CHMP4B: variants seen among roughly 807,000 people sequenced by gnomAD.
CHMP4B encodes the protein SNF7 homolog associated with Alix 1.
A neutral mutation model predicts 25.1 loss-of-function variants in CHMP4B; 1 was observed. That is an observed-to-expected ratio of 0.04 (90% confidence interval 0.01 to 0.19). CHMP4B has a LOEUF of 0.19. Ranked by LOEUF, CHMP4B falls within the 10% of genes least tolerant of loss-of-function variation. The pLI, the probability that CHMP4B is intolerant of heterozygous loss-of-function variation, is 1.00. For missense variants in CHMP4B, 151 were observed against 289.7 expected, an observed-to-expected ratio of 0.52 and a Z score of 3.48; for synonymous variants, 101 against 115.6, an observed-to-expected ratio of 0.87 and a Z score of 0.81.
intron 1 of CHMP4B, among the ~76,000 whole-genome samples, chr20:33,830,421 T>G (rs1826964727): frequency 1.3e-5 from 2 of 152,178 alleles, no homozygotes; most frequent in African/African-American, 4.8e-5. Flanking sequence ...ATAGACTGGG[T>G]GGTTTAAGCA....
intron 1 of CHMP4B, among the ~76,000 whole-genome samples, chr20:33,816,719 G>A (rs1030565991): frequency 2.6e-5 from 4 of 151,976 alleles, no homozygotes; most frequent in African/African-American, 9.7e-5. Flanking sequence ...TTTTTTTCCT[G>A]TTTTAGTAAA....
In CHMP4B at chr20:33,818,847, G is replaced by A. The variant is rs1008811225; in HGVS notation, c.190+7189G>A. ...CATTTCATTGACTGTCCATTTTTTG[G>A]TGCTTCTGTTCCTTCCTTTTTACTC... On this transcript the variant is annotated intron_variant, in intron 1 of 4. Coordinates refer to ENST00000217402, the MANE Select transcript of CHMP4B (RefSeq NM_176812.5). Among the ~76,000 whole-genome samples, 5 of 151,958 alleles carry A rather than the reference G, an allele frequency of 3.3e-5. No homozygotes were observed. In the South Asian group the frequency reaches 8.3e-4, roughly 25 times the overall value.
intron 2 of CHMP4B, among the ~76,000 whole-genome samples, chr20:33,850,380 G>A (rs896017515): frequency 5.3e-5 from 8 of 152,214 alleles, no homozygotes; most frequent in African/African-American, 1.9e-4. Context: ...ACCTAGCAGA[G>A]TGCAGCTCAT....
At position 33,833,621 on chromosome 20, in the gene CHMP4B, C is replaced by T. The variant is rs181909984; in HGVS notation, c.191-14846C>T. 9.3e-4 allele frequency among the ~76,000 whole-genome samples: 141 copies of T among 152,322 alleles called. No individual in the cohort carries two copies. The South Asian group carries it at 0.012, about 13-fold the overall frequency. On this transcript the variant is annotated intron_variant, in intron 1 of 4. Transcript: ENST00000217402. ...AACCCTGGGATAGATTCCAGCAGCTCCTTAACAAGACATCCAAGTCTGTCC... is the reference window on the plus strand; with the variant it reads ...AACCCTGGGATAGATTCCAGCAGCTTCTTAACAAGACATCCAAGTCTGTCC...
intron 1 of CHMP4B, among the ~76,000 whole-genome samples, chr20:33,819,893 C>T (rs998145364): frequency 3.9e-5 from 6 of 152,046 alleles, no homozygotes; most frequent in Admixed American, 6.5e-5. Context: ...TCTGGCCAGG[C>T]GTGGTGGCTC....
At chr20:33,837,655 GCTA>G (rs1170947862) in intron 1 of CHMP4B, among the ~76,000 whole-genome samples, 2 of 152,166 alleles carry the variant, frequency 1.3e-5, no homozygotes, top group African/African-American at 4.8e-5. Context: ...GGATCTGAGT[GCTA>G]CTTCCTCTGC....
chr20:33,852,969 G>T (rs1979897978), intron 4 of CHMP4B, among the ~76,000 whole-genome samples: 1 of 152,178 alleles, frequency 6.6e-6, no homozygotes, highest in East Asian at 1.9e-4. Flanking sequence ...TGTGGCATGA[G>T]AGAGAACCCT....
At chr20:33,824,140 T>C (rs962159146) in intron 1 of CHMP4B, among the ~76,000 whole-genome samples, 9 of 152,230 alleles carry the variant, frequency 5.9e-5, no homozygotes, top group South Asian at 4.1e-4. Flanking sequence ...TTCACATACA[T>C]AATCTGGTTT....
Position 33,811,634 on chromosome 20 carries a change from A to G in CHMP4B, c.166A>G (p.Lys56Glu), listed in dbSNP as rs1283960134. The change falls in exon 1 of 5, where the codon AAG becomes GAG. Residue 56 changes from lysine to glutamate, a missense_variant. Lys to Glu is a moderately conservative substitution (Grantham distance 56). Coordinates refer to ENST00000217402, the MANE Select transcript of CHMP4B (RefSeq NM_176812.5). ...KIEQELTAAK[K>E]HGTKNKRAAL... The stretch of plus-strand genomic sequence containing the variant: ...CGAGCAGGAGCTGACGGCCGCCAAG[A>G]AGCACGGCACCAAAAACAAGCGCGG... 2 of 1,613,740 alleles carry G rather than the reference A, an allele frequency of 1.2e-6. No individual in the cohort carries two copies. The highest frequency in any genetic ancestry group is 1.7e-6 in the Non-Finnish European group (2 of 1,179,940).
intron 1 of CHMP4B, among the ~76,000 whole-genome samples, chr20:33,842,031 G>A (rs748965987): frequency 6.6e-6 from 1 of 152,140 alleles, no homozygotes; most frequent in Non-Finnish European, 1.5e-5. Flanking sequence ...TGTGCCGCCT[G>A]TTCTGGACAT....
At position 33,853,773 on chromosome 20, in the gene CHMP4B, G is replaced by GGGGGGGGGGGGGGGGAA; in HGVS notation, c.*213_*214insGGGGGGGGGGGGGGGAA. 4 of 25,270 alleles carry GGGGGGGGGGGGGGGGAA rather than the reference G, an allele frequency of 1.6e-4. No homozygotes were observed. Among genetic ancestry groups the GGGGGGGGGGGGGGGGAA allele is most frequent in the Non-Finnish European group, 2.3e-4 (3 of 13,100 alleles). The allele number at this position is 25,270 out of a possible 1,614,324, so 1.6% of individuals were successfully genotyped here. A position where few individuals can be genotyped will look rare whatever the true frequency, so the allele number is the denominator to read the frequency against. On this transcript the variant is annotated 3_prime_UTR_variant, in exon 5 of 5. Transcript: ENST00000217402. ...GGGGGGAGGGGGGCGGGCGGGGTGG[G>GGGGGGGGGGGGGGGGAA]AAGTGCCTGCTGTTTATAATGTTGA...
chr20:33,823,083 C>T (rs1308323285), intron 1 of CHMP4B, among the ~76,000 whole-genome samples: 5 of 151,974 alleles, frequency 3.3e-5, no homozygotes, highest in South Asian at 4.2e-4. Flanking sequence ...CCACCGCGCC[C>T]GGCCCAGTTA....
intron 1 of CHMP4B, among the ~76,000 whole-genome samples, chr20:33,834,617 T>G (rs1021869618): frequency 6.6e-6 from 1 of 152,222 alleles, no homozygotes; most frequent in Non-Finnish European, 1.5e-5. Context: ...TCCCTTAAGG[T>G]ACCACATTGG....
At chr20:33,833,546 A>G (rs961397653) in intron 1 of CHMP4B, among the ~76,000 whole-genome samples, 1 of 152,106 alleles carries the variant, frequency 6.6e-6, no homozygotes, top group Non-Finnish European at 1.5e-5. Flanking sequence ...CTGAAATGTA[A>G]ATCTGATCAC....
At chr20:33,817,969 A>C (rs147814207) in intron 1 of CHMP4B, among the ~76,000 whole-genome samples, 2 of 152,234 alleles carry the variant, frequency 1.3e-5, no homozygotes, top group African/African-American at 4.8e-5. Flanking sequence ...GTTTGAATGC[A>C]GCTTTACCTT....
intron 3 of CHMP4B, among the ~76,000 whole-genome samples, chr20:33,851,414 C>T (rs1484865817): frequency 6.6e-6 from 1 of 152,174 alleles, no homozygotes; most frequent in Non-Finnish European, 1.5e-5. Context: ...CCTGAGACAG[C>T]TTCAGCATGA....
Position 33,852,156 on chromosome 20 carries a change from C to T in CHMP4B, c.563C>T (p.Thr188Ile). ...KNLLEISGPE[T>I]VPLPNVPSIA... ...TTGCTGGAAATCAGTGGACCCGAAA[C>T]AGTCCCTCTACCAAATGTTCCCTCT... is the stretch of plus-strand genomic sequence containing the variant. Residue 188 changes from threonine (T) to isoleucine (I), a missense_variant, in exon 4 of 5, where the codon ACA becomes ATA. This residue lies in a region of CHMP4B where 41 missense variants were observed against 50.9 expected (regional missense o/e 0.81). Transcript: ENST00000217402. 6.2e-7 allele frequency: 1 copy of T among 1,614,220 alleles called. No homozygotes were observed. Among genetic ancestry groups the T allele is most frequent in the Non-Finnish European group, 8.5e-7 (1 of 1,180,020 alleles).
intron 1 of CHMP4B, among the ~76,000 whole-genome samples, chr20:33,831,155 C>T (rs191258280): frequency 6.7e-4 from 101 of 149,666 alleles, no homozygotes; most frequent in African/African-American, 2.3e-3. Flanking sequence ...AGTGCAGTGG[C>T]GTGATCTTGG....
At chr20:33,841,004 T>A (rs1332984599) in intron 1 of CHMP4B, among the ~76,000 whole-genome samples, 2 of 152,252 alleles carry the variant, frequency 1.3e-5, no homozygotes, top group East Asian at 3.8e-4. Context: ...TTCCTAAGCT[T>A]GTTTGACTGC....
Sources: gnomAD v4.1 joint callset for allele counts (sites outside exome capture counted in the v4.1 genomes callset) on GRCh38, gnomAD v4.1.1 for gene constraint, gnomAD v4.1.1 regional missense constraint, MANE v1.5 for transcripts, NCBI Gene and HGNC (gene_info 2026-07-23, HGNC 2026-07-21) for gene names.